RAD51B: variants seen among roughly 807,000 people sequenced by gnomAD.
RAD51B encodes the protein RAD51 paralog B, also known as DNA repair protein RAD51 homolog 2.
Under a neutral mutation model 42.2 loss-of-function variants are expected in RAD51B, and 38 were observed. That is an observed-to-expected ratio of 0.90 (90% CI 0.70 to 1.18). The LOEUF is 1.18. RAD51B is among the 50% of genes most tolerant of loss of function. RAD51B has a pLI of 0.00. For synonymous variants in RAD51B, 154 were observed against 145.2 expected, an observed-to-expected ratio of 1.06 and a Z score of -0.43; for missense variants, 373 against 400.7, an observed-to-expected ratio of 0.93 and a Z score of 0.59.
chr14:68,316,910 AAGTCTTGTCATCATAT>A (rs1390958452), intron 8 of RAD51B, among the ~76,000 whole-genome samples: 1 of 152,242 alleles, frequency 6.6e-6, no homozygotes, highest in Non-Finnish European at 1.5e-5. Flanking sequence ...TAAATTTATA[AAGTCTTGTCATCATAT>A]AATCCAGTCT....
chr14:68,600,786 T>C (rs1287871709), downstream of RAD51B, among the ~76,000 whole-genome samples: 2 of 152,204 alleles, frequency 1.3e-5, no homozygotes, highest in African/African-American at 4.8e-5. Context: ...AGGGAAAAGC[T>C]GGTGGCAGGT....
At chr14:68,140,032 A>G (rs534223595) in intron 7 of RAD51B, among the ~76,000 whole-genome samples, 1 of 152,222 alleles carries the variant, frequency 6.6e-6, no homozygotes, top group Non-Finnish European at 1.5e-5. Flanking sequence ...AAACCCTGCC[A>G]GAGGGTTGGC....
At chr14:68,212,652 C>T (rs1026363839) in intron 7 of RAD51B, among the ~76,000 whole-genome samples, 12 of 152,164 alleles carry the variant, frequency 7.9e-5, no homozygotes, top group African/African-American at 2.7e-4. Flanking sequence ...TGGAAAATGG[C>T]ACTGGACACT....
intron 8 of RAD51B, among the ~76,000 whole-genome samples, chr14:68,381,545 G>A (rs11627490): frequency 0.44 from 67,294 of 151,818 alleles, 16,708 homozygotes; most frequent in South Asian, 0.58. Context: ...GCATGGTGGC[G>A]GGCGCCTTTA....
At chr14:68,431,666 T>C (rs1052168000) in intron 9 of RAD51B, among the ~76,000 whole-genome samples, 6 of 152,078 alleles carry the variant, frequency 3.9e-5, no homozygotes, top group African/African-American at 1.4e-4. Flanking sequence ...GTCTTGCTAG[T>C]GGTCTATCAA....
intron 7 of RAD51B, among the ~76,000 whole-genome samples, chr14:67,941,176 G>A (rs1349622992): frequency 2.0e-5 from 3 of 152,158 alleles, no homozygotes; most frequent in Non-Finnish European, 4.4e-5. Context: ...AATTCTGTGT[G>A]AGGCAAAATC....
chr14:68,294,032 TAC>T lies in RAD51B; in HGVS notation c.853+2061_853+2062del, dbSNP rs1318237521. ...TATTACACACACACATACACACATA[TAC>T]ACACACACTTAATTCAGCTCTGAGG... On this transcript the variant is annotated intron_variant, in intron 8 of 10. Coordinates refer to ENST00000471583, the MANE Select transcript of RAD51B (RefSeq NM_133510.4). Among the ~76,000 whole-genome samples, 3 of 152,264 alleles carry T rather than the reference TAC, an allele frequency of 2.0e-5. No homozygotes were observed. The East Asian group carries it at 5.8e-4, about 29-fold the overall frequency.
At chr14:68,022,240 A>G (rs1217738338) in intron 7 of RAD51B, among the ~76,000 whole-genome samples, 1 of 152,092 alleles carries the variant, frequency 6.6e-6, no homozygotes, top group Admixed American at 6.5e-5. Context: ...AGCTTTCTCC[A>G]TGTTGCTGCA....
At chr14:68,339,735 A>G (rs1028440650) in intron 8 of RAD51B, among the ~76,000 whole-genome samples, 1 of 152,206 alleles carries the variant, frequency 6.6e-6, no homozygotes, top group African/African-American at 2.4e-5. Flanking sequence ...CTCTAAGCCT[A>G]GTTCTTCCTC....
chr14:67,945,749 G>A (rs1254762271), intron 7 of RAD51B, among the ~76,000 whole-genome samples: 1 of 152,184 alleles, frequency 6.6e-6, no homozygotes, highest in African/African-American at 2.4e-5. Flanking sequence ...GGGATTACAG[G>A]CATGAGCTAC....
chr14:67,864,871 C>G (rs1406792947), intron 4 of RAD51B, 132 bp from the exon 5 acceptor site: 3 of 1,343,296 alleles, frequency 2.2e-6, no homozygotes, highest in African/African-American at 2.9e-5. Flanking sequence ...GCTTAATTCT[C>G]TCCTGGGAAC....
At chr14:68,376,558 G>T (rs1169902230) in intron 8 of RAD51B, among the ~76,000 whole-genome samples, 3 of 152,200 alleles carry the variant, frequency 2.0e-5, no homozygotes, top group African/African-American at 4.8e-5. Flanking sequence ...GGAAGTATAA[G>T]ATTTCTTGTA....
chr14:67,932,515 G>T (rs925958853), intron 7 of RAD51B, among the ~76,000 whole-genome samples: 3 of 152,178 alleles, frequency 2.0e-5, no homozygotes, highest in Non-Finnish European at 4.4e-5. Context: ...GTGGGACCAA[G>T]AGGTTCAATT....
At chr14:68,245,797 G>T (rs148002603) in intron 7 of RAD51B, among the ~76,000 whole-genome samples, 19 of 152,288 alleles carry the variant, frequency 1.2e-4, no homozygotes, top group African/African-American at 4.1e-4. Flanking sequence ...CAATGAGGTG[G>T]AGGTAGGGTT....
intron 11 of RAD51B, among the ~76,000 whole-genome samples, chr14:68,656,424 C>G (rs76875738): frequency 6.9e-6 from 1 of 144,244 alleles, no homozygotes; most frequent in Non-Finnish European, 1.6e-5. Flanking sequence ...CCCCTTTTCT[C>G]AATGGGGTAA....
chr14:68,639,713 C>T (rs577295511), intron 10 of RAD51B, among the ~76,000 whole-genome samples: 13 of 152,102 alleles, frequency 8.5e-5, no homozygotes, highest in African/African-American at 2.7e-4. Context: ...ACAGAACCTT[C>T]GGTTTGGCTG....
chr14:68,309,052 T>C (rs888084367), intron 8 of RAD51B, among the ~76,000 whole-genome samples: 2 of 152,236 alleles, frequency 1.3e-5, no homozygotes, highest in African/African-American at 2.4e-5. Flanking sequence ...GATGCAACAC[T>C]ACACTATTTG....
chr14:68,100,263 CAT>C (rs1270578488), intron 7 of RAD51B, among the ~76,000 whole-genome samples: 1 of 152,158 alleles, frequency 6.6e-6, no homozygotes, highest in Non-Finnish European at 1.5e-5. Context: ...TTTTATAAGT[CAT>C]ATTGGATACT....
chr14:68,384,336 C>A (rs759667645), intron 8 of RAD51B, among the ~76,000 whole-genome samples: 3 of 151,942 alleles, frequency 2.0e-5, no homozygotes, highest in Non-Finnish European at 4.4e-5. Flanking sequence ...AAAAATGAAC[C>A]AACACTCAAA....
Sources: allele counts gnomAD v4.1 joint callset (sites outside exome capture counted in the v4.1 genomes callset), GRCh38; gene constraint gnomAD v4.1.1; transcripts MANE v1.5; gene names NCBI Gene and HGNC (gene_info 2026-07-23, HGNC 2026-07-21).